The following KIRREL1 variants were observed in gnomAD, a reference collection of about 807,000 sequenced individuals.
KIRREL1 encodes kin of IRRE-like protein 1.
Under a neutral mutation model 83.3 loss-of-function variants are expected in KIRREL1, and 25 were observed. The ratio of observed to expected loss-of-function variants is 0.30; its 90% CI spans 0.22 to 0.42. The LOEUF is 0.42. Ranked by LOEUF, KIRREL1 falls within the 10% of genes least tolerant of loss-of-function variation. The probability of loss-of-function intolerance (pLI) is 1.00; values close to 1 mark genes in which losing one functional copy is unlikely to be tolerated. For missense variants in KIRREL1, 812 were observed against 1,032.3 expected (o/e 0.79, Z 2.92); for synonymous variants, 388 against 410.4 (o/e 0.95, Z 0.66).
chr1:158,021,769 GT>G (rs143957752), intron 1 of KIRREL1, among the ~76,000 whole-genome samples: 4 of 152,054 alleles, frequency 2.6e-5, no homozygotes, highest in African/African-American at 7.2e-5. Context: ...TACAAAAGGG[GT>G]TTTTTTGGTT....
At chr1:158,045,316 C>G (rs1660751263) in intron 1 of KIRREL1, among the ~76,000 whole-genome samples, 1 of 152,200 alleles carries the variant, frequency 6.6e-6, no homozygotes, top group African/African-American at 2.4e-5. Flanking sequence ...GGTAAGGGCA[C>G]AGTCCCCAAC....
At chr1:158,024,531 C>T (rs766691855) in intron 1 of KIRREL1, among the ~76,000 whole-genome samples, 3 of 151,442 alleles carry the variant, frequency 2.0e-5, no homozygotes, top group Admixed American at 6.6e-5. Flanking sequence ...CACCCACCTC[C>T]GCCTCCCAAA....
chr1:158,064,156 T>C (rs1157516150), intron 1 of KIRREL1, among the ~76,000 whole-genome samples: 1 of 152,172 alleles, frequency 6.6e-6, no homozygotes, highest in Non-Finnish European at 1.5e-5. Context: ...ATTTATTGCC[T>C]CAAGAAGTTT....
chr1:158,055,689 T>A (rs933424151), intron 1 of KIRREL1, among the ~76,000 whole-genome samples: 1 of 152,224 alleles, frequency 6.6e-6, no homozygotes, highest in Non-Finnish European at 1.5e-5. Flanking sequence ...GCGCCCTCCC[T>A]GCGTCTCCTT....
chr1:158,008,709 C>T (rs537074554), intron 1 of KIRREL1, among the ~76,000 whole-genome samples: 1 of 152,234 alleles, frequency 6.6e-6, no homozygotes, highest in South Asian at 2.1e-4. Flanking sequence ...TACTCAGCAC[C>T]ATGTGGGAGC....
chr1:158,001,401 A>G (rs2101621526), intron 1 of KIRREL1, among the ~76,000 whole-genome samples: 1 of 152,328 alleles, frequency 6.6e-6, no homozygotes, highest in South Asian at 2.1e-4. Context: ...ACTGTACATT[A>G]TTATATGCAA....
intron 1 of KIRREL1, among the ~76,000 whole-genome samples, chr1:158,043,087 C>CA (rs71084262): frequency 0.081 from 8,714 of 108,030 alleles, 367 homozygotes; most frequent in South Asian, 0.12. Context: ...GACTCCATCT[C>CA]AAAAAAAAAA....
At chr1:158,043,575 C>T (rs1361944651) in intron 1 of KIRREL1, among the ~76,000 whole-genome samples, 1 of 152,222 alleles carries the variant, frequency 6.6e-6, no homozygotes, top group African/African-American at 2.4e-5. Flanking sequence ...TGACAGGACT[C>T]CCTAAATAAA....
intron 1 of KIRREL1, among the ~76,000 whole-genome samples, chr1:157,994,322 C>T (rs896192583): frequency 6.6e-6 from 1 of 151,204 alleles, no homozygotes; most frequent in Non-Finnish European, 1.5e-5. Context: ...TTTGGAACCC[C>T]TGCCCACGGA....
In KIRREL1 at chr1:158,025,250, C is replaced by T. The variant is rs188990440; in HGVS notation, c.52+31522C>T. Among the ~76,000 whole-genome samples the T allele has an allele frequency of 3.9e-3, 592 of 152,054 alleles. 1 individual carries two copies. The highest frequency in any genetic ancestry group is 6.9e-3 in the Non-Finnish European group (469 of 67,992). ...CATGCACAGATTTCTTTCAGGGTGG[C>T]GGAGACACCGAGTGGAGCAATGACA... On this transcript the variant is annotated intron_variant, in intron 1 of 14. Transcript: ENST00000359209.
rs776789407 is a variant in KIRREL1, at chr1:158,093,585, C to G, written c.1580-38C>G. The G allele has an allele frequency of 2.5e-6, 4 of 1,613,314 alleles. No individual in the cohort carries two copies. In the South Asian group the frequency reaches 4.4e-5, roughly 18 times the overall value. On this transcript the variant is annotated intron_variant, in intron 12 of 14. Coordinates refer to ENST00000359209, the MANE Select transcript of KIRREL1 (RefSeq NM_018240.7). ...CAGAAGCAGCCGCTGCAGAGACCAG[C>G]AGGAAGCACTTGTTCCAGGCTGCCT...
chr1:158,086,003 G>A (rs1662002440), intron 4 of KIRREL1, among the ~76,000 whole-genome samples: 1 of 152,184 alleles, frequency 6.6e-6, no homozygotes, highest in South Asian at 2.1e-4. Flanking sequence ...TGAGGGCTGG[G>A]CTGGCTGAAG....
rs78857927 is a variant in KIRREL1, at chr1:158,037,547, G to A, written c.53-38566G>A. ...CAATCACACCTACTTCTCAGGGGTC[G>A]TGAGCATTAAGTGAATCAATGTCTA... is the stretch of plus-strand genomic sequence containing the variant. On this transcript the variant is annotated intron_variant, in intron 1 of 14. Transcript: ENST00000359209. 6.0e-3 allele frequency among the ~76,000 whole-genome samples: 907 copies of A among 151,106 alleles called. 5 individuals carry two copies. The highest frequency in any genetic ancestry group is 0.021 in the African/African-American group (871 of 41,082).
rs769514849 is a variant in KIRREL1, at chr1:158,084,484, C to A, written c.415C>A (p.His139Asn). The A allele has an allele frequency of 4.5e-5, 70 of 1,551,710 alleles. No individual in the cohort carries two copies. The highest frequency in any genetic ancestry group is 1.7e-4 in the Middle Eastern group (1 of 6,014). ...PVILLQAGTPHNLTCRAFNAK... is the reference protein window; with the variant it reads ...PVILLQAGTPNNLTCRAFNAK... ...GATTCTACTGCAGGCAGGCACCCCCCACAACCTCACATGCCGGGCCTTCAA... is the reference window on the plus strand; with the variant it reads ...GATTCTACTGCAGGCAGGCACCCCCAACAACCTCACATGCCGGGCCTTCAA... The change falls in exon 4 of 15, where the codon CAC (histidine) becomes AAC (asparagine). Residue 139 changes from histidine (H) to asparagine (N), a missense_variant. Coordinates refer to ENST00000359209, the MANE Select transcript of KIRREL1 (RefSeq NM_018240.7).
In KIRREL1 at chr1:158,091,353, C is replaced by T. The variant is rs1662189518; in HGVS notation, c.1273-5C>T. The stretch of plus-strand genomic sequence containing the variant: ...CTTACCTTCTTCCTTCCCTCTCCAC[C>T]ACAGGCATGGGCCTGGAAGGAGAAC... On this transcript the variant is annotated splice_region_variant and splice_polypyrimidine_tract_variant and intron_variant, in intron 10 of 14. Transcript: ENST00000359209. The T allele has an allele frequency of 6.2e-7, 1 of 1,612,580 alleles. No homozygotes were observed. The highest frequency in any genetic ancestry group is 1.1e-5 in the South Asian group (1 of 90,966).
chr1:158,093,069 C>T (rs1359049783), intron 11 of KIRREL1, among the ~76,000 whole-genome samples: 1 of 152,206 alleles, frequency 6.6e-6, no homozygotes, highest in East Asian at 1.9e-4. Context: ...CAGGGGCAAA[C>T]TCCTGCCCCA....
intron 3 of KIRREL1, 120 bp from the exon 4 acceptor site, chr1:158,084,302 G>A: frequency 1.1e-6 from 1 of 906,854 alleles, no homozygotes; most frequent in South Asian, 1.8e-5. Flanking sequence ...GGGGTAGGGT[G>A]GTACCGCCTA....
rs1662288975 is a variant in KIRREL1, at chr1:158,094,266, A to G, written c.1720-47A>G. 1 of 1,536,218 alleles carries G rather than the reference A, an allele frequency of 6.5e-7. No individual in the cohort carries two copies. Among genetic ancestry groups the G allele is most frequent in the Middle Eastern group, 1.7e-4 (1 of 5,898 alleles). ...GGGGAGGGGTTGGTGAGGGGCGAAA[A>G]GAGCAGGGCTTCCGTCTGCTGACGT... On this transcript the variant is annotated intron_variant, in intron 13 of 14. Coordinates refer to ENST00000359209, the MANE Select transcript of KIRREL1 (RefSeq NM_018240.7). The surrounding 1 kb of genome is among the most constrained non-coding windows in gnomAD (Gnocchi z 4.6).
rs372066645 is a variant in KIRREL1, at chr1:158,085,885, AC to A, written c.511-708del. Among the ~76,000 whole-genome samples the A allele has an allele frequency of 9.2e-4, 140 of 152,280 alleles. 1 individual carries two copies. Among genetic ancestry groups the A allele is most frequent in the African/African-American group, 3.1e-3 (129 of 41,540 alleles). On this transcript the variant is annotated intron_variant, in intron 4 of 14. Transcript: ENST00000359209. Reference sequence around the variant, plus strand: ...TTTACAGTTTAGCAGAAGAAACCCAACCCTGAAACACGCACACATGGTGCCT... The same window carrying A: ...TTTACAGTTTAGCAGAAGAAACCCAACCTGAAACACGCACACATGGTGCCT...
Sources: allele counts gnomAD v4.1 joint callset (sites outside exome capture counted in the v4.1 genomes callset), GRCh38; gene constraint gnomAD v4.1.1; non-coding constraint Gnocchi (gnomAD v3.1); transcripts MANE v1.5; gene names NCBI Gene and HGNC (gene_info 2026-07-23, HGNC 2026-07-21).